Variants in NRBP1 observed in about 807,000 individuals in gnomAD.
The protein encoded by NRBP1 is nuclear receptor binding protein 1.
Under a neutral mutation model 76.0 loss-of-function variants are expected in NRBP1, and 10 were observed. That is an observed-to-expected ratio of 0.13 (90% CI 0.08 to 0.22). NRBP1 has a LOEUF of 0.22. NRBP1 is among the 10% of genes least tolerant of loss of function. The pLI is 1.00. For synonymous variants in NRBP1, 235 were observed against 240.2 expected (o/e 0.98, Z 0.20); for missense variants, 344 against 646.0 (o/e 0.53, Z 5.07).
intron 1 of NRBP1, 133 bp downstream of exon 1, chr2:27,428,864 G>A: frequency 2.5e-6 from 1 of 397,554 alleles, no homozygotes; most frequent in Non-Finnish European, 4.4e-6. Flanking sequence ...CAGTAGCCCA[G>A]GCCCGATCGG....
chr2:27,442,045 A>T lies in NRBP1; in HGVS notation c.*233A>T. 1.9e-6 allele frequency: 1 copy of T among 536,582 alleles called. No individual in the cohort carries two copies. The highest frequency in any genetic ancestry group is 3.3e-6 in the Non-Finnish European group (1 of 306,840). The allele number at this position is 536,582 out of a possible 1,614,324, so 33.2% of individuals were successfully genotyped here. ...CACAGACGTGGGCCTGGGCCTTCTCAGCAGCCGCCTTCTAGTTGGGGGCTA... is the reference window on the plus strand; with the variant it reads ...CACAGACGTGGGCCTGGGCCTTCTCTGCAGCCGCCTTCTAGTTGGGGGCTA... On this transcript the variant is annotated 3_prime_UTR_variant, in exon 18 of 18. Coordinates refer to ENST00000379852, the MANE Select transcript of NRBP1 (RefSeq NM_013392.4).
At chr2:27,438,187 A>G (rs1664389119) in intron 10 of NRBP1, among the ~76,000 whole-genome samples, 1 of 152,130 alleles carries the variant, frequency 6.6e-6, no homozygotes, top group South Asian at 2.1e-4. Context: ...CAAAAAAAAA[A>G]AAAAAGTATG....
At chr2:27,436,984 G>A (rs1342831947) in intron 8 of NRBP1, 63 bp from the exon 9 acceptor site, 6 of 1,507,046 alleles carry the variant, frequency 4.0e-6, no homozygotes, top group Non-Finnish European at 5.5e-6. Context: ...TTTTCCTAAG[G>A]CATTCCTGCC....
At chr2:27,429,614 T>G (rs1292444432) in intron 1 of NRBP1, among the ~76,000 whole-genome samples, 1 of 152,120 alleles carries the variant, frequency 6.6e-6, no homozygotes, top group African/African-American at 2.4e-5. Flanking sequence ...AAACTCCCAG[T>G]GTCGCAGAGG....
chr2:27,436,713 T>C (rs899461917), intron 7 of NRBP1, 40 bp from the exon 8 acceptor site: 10 of 1,562,462 alleles, frequency 6.4e-6, no homozygotes, highest in African/African-American at 4.1e-5. Context: ...CTATTCTTCA[T>C]TGATGATGGT....
At chr2:27,440,301 G>C (rs1664485379) in intron 11 of NRBP1, 102 bp from the exon 12 acceptor site, 1 of 820,380 alleles carries the variant, frequency 1.2e-6, no homozygotes, top group African/African-American at 1.7e-5. Flanking sequence ...GAGCCACTGT[G>C]CCAGGCCTCC....
At chr2:27,428,909 C>G (rs1231639725) in intron 1 of NRBP1, among the ~76,000 whole-genome samples, 178 bp downstream of exon 1, 1 of 152,096 alleles carries the variant, frequency 6.6e-6, no homozygotes, top group Non-Finnish European at 1.5e-5. Context: ...CCGCTTCGGC[C>G]CCGCAGTCGC....
chr2:27,432,503 A>G (rs956853780), intron 1 of NRBP1, among the ~76,000 whole-genome samples: 17 of 152,206 alleles, frequency 1.1e-4, no homozygotes, highest in African/African-American at 3.9e-4. Flanking sequence ...TATGTTGTCC[A>G]GGCTGGTCTC....
chr2:27,433,519 AT>A (rs1321597586), intron 2 of NRBP1, 36 bp downstream of exon 2: 2 of 1,610,108 alleles, frequency 1.2e-6, no homozygotes, highest in East Asian at 2.2e-5. Flanking sequence ...GGGTGAGTGA[AT>A]TCTGGAAAGG....
chr2:27,436,114 T>A (rs1253158419), intron 7 of NRBP1: 4 of 384,506 alleles, frequency 1.0e-5, no homozygotes, highest in Non-Finnish European at 1.9e-5. Context: ...CAGACAGTGT[T>A]GAGGAATAAG....
At chr2:27,437,150 A>T in intron 9 of NRBP1, 45 bp downstream of exon 9, 1 of 1,600,004 alleles carries the variant, frequency 6.2e-7, no homozygotes, top group East Asian at 2.2e-5. Flanking sequence ...AGATGAGAAG[A>T]TGGAATTGGG....
intron 10 of NRBP1, among the ~76,000 whole-genome samples, chr2:27,438,672 G>A (rs1212234778): frequency 5.9e-5 from 9 of 152,184 alleles, no homozygotes; most frequent in Non-Finnish European, 4.4e-5. Flanking sequence ...TAGAAAAGGA[G>A]GCGGTGGTGG....
intron 7 of NRBP1, chr2:27,435,622 G>A: frequency 1.4e-6 from 1 of 715,848 alleles, no homozygotes; most frequent in Non-Finnish European, 2.6e-6. Flanking sequence ...GTGTCTGTGT[G>A]GTATTTGTGT....
chr2:27,430,906 C>G (rs1443779907), intron 1 of NRBP1, among the ~76,000 whole-genome samples: 1 of 152,208 alleles, frequency 6.6e-6, no homozygotes, highest in Non-Finnish European at 1.5e-5. Flanking sequence ...GCATTTAGCT[C>G]TCAATAATTC....
chr2:27,441,076 T>C, intron 14 of NRBP1, 51 bp from the exon 15 acceptor site: 2 of 1,610,972 alleles, frequency 1.2e-6, no homozygotes, highest in Non-Finnish European at 1.7e-6. Context: ...CGTCTAGGTA[T>C]TGGGTTTTTT....
chr2:27,441,568 T>C lies in NRBP1; in HGVS notation c.1449T>C (p.Asn483=), dbSNP rs1226799419. 1.2e-6 allele frequency: 2 copies of C among 1,613,120 alleles called. No homozygotes were observed. Among genetic ancestry groups the C allele is most frequent in the African/African-American group, 2.7e-5 (2 of 74,894 alleles). ...CACCCCCTCCTGTTTCTTTGTCAGA[T>C]GAGAATATCCCCGAGTTGGCGGCTG... ...NRHLSCDLMP[N]ENIPELAAEL... The change falls in exon 17 of 18, where the codon AAT becomes AAC. Residue 483 remains asparagine (N), a splice_region_variant and synonymous_variant. Transcript: ENST00000379852.
intron 1 of NRBP1, among the ~76,000 whole-genome samples, chr2:27,431,087 T>G (rs1236262601): frequency 1.3e-5 from 2 of 151,852 alleles, no homozygotes; most frequent in East Asian, 3.9e-4. Flanking sequence ...GATCATGAAG[T>G]CAGGAGATTG....
chr2:27,430,885 A>G (rs1664087660), intron 1 of NRBP1, among the ~76,000 whole-genome samples: 1 of 152,206 alleles, frequency 6.6e-6, no homozygotes, highest in African/African-American at 2.4e-5. Flanking sequence ...GACTTTTTGT[A>G]CAAGTTAATG....
At chr2:27,441,469 G>T in intron 16 of NRBP1, 98 bp from the exon 17 acceptor site, 1 of 1,473,176 alleles carries the variant, frequency 6.8e-7, no homozygotes, top group Non-Finnish European at 9.5e-7. Flanking sequence ...AAAGCAGTGG[G>T]TGGATCTGAC....
Sources: gnomAD v4.1 joint callset for allele counts (sites outside exome capture counted in the v4.1 genomes callset) on GRCh38, gnomAD v4.1.1 for gene constraint, MANE v1.5 for transcripts, NCBI Gene and HGNC (gene_info 2026-07-23, HGNC 2026-07-21) for gene names.